CD5: variants seen among roughly 807,000 people sequenced by gnomAD.
CD5 encodes the protein T-cell surface glycoprotein CD5.
In CD5, 36 loss-of-function variants were observed where a neutral mutation model predicts 60.3. The observed-to-expected ratio is 0.60, with a 90% CI of 0.46 to 0.79. The LOEUF (loss-of-function observed/expected upper bound fraction) is 0.79, where lower values mean the gene tolerates loss of function less well. Ranked by LOEUF, CD5 falls within the 30% of genes least tolerant of loss-of-function variation. The probability of loss-of-function intolerance (pLI) is 0.00; values close to 1 mark genes in which losing one functional copy is unlikely to be tolerated. For synonymous variants in CD5, 230 were observed against 257.6 expected (o/e 0.89, Z 1.03); for missense variants, 540 against 630.6 (o/e 0.86, Z 1.54).
intron 1 of CD5, among the ~76,000 whole-genome samples, chr11:61,109,308 T>G (rs1015305976): frequency 2.0e-5 from 3 of 152,234 alleles, no homozygotes; most frequent in African/African-American, 7.2e-5. Flanking sequence ...TATGTTTCGC[T>G]GCAGACACTG....
intron 1 of CD5, among the ~76,000 whole-genome samples, chr11:61,111,988 C>T (rs534211453): frequency 5.3e-4 from 80 of 152,330 alleles, no homozygotes; most frequent in African/African-American, 1.7e-3. Context: ...ACAGGACAGA[C>T]GTGCTCCCCA....
chr11:61,100,193 T>TCA (rs1250573973), upstream of CD5, among the ~76,000 whole-genome samples: 1 of 103,658 alleles, frequency 9.6e-6, no homozygotes, highest in Non-Finnish European at 1.9e-5. Flanking sequence ...AACATGGAGA[T>TCA]CACACACACA....
chr11:61,107,027 G>C (rs1040470786), intron 1 of CD5, among the ~76,000 whole-genome samples: 4 of 152,122 alleles, frequency 2.6e-5, no homozygotes, highest in Admixed American at 1.3e-4. Context: ...GGGTGTGATG[G>C]GGAGACAAAC....
rs574843 is a variant in CD5, at chr11:61,125,850, G to C, written c.*2+9G>C. ...GCTCAGAGGCTGTAAAGGTGAGCCC[G>C]TCTCCAGCCTGACCCCAGCACCCCA... On this transcript the variant is annotated intron_variant, in intron 10 of 10. Coordinates refer to ENST00000347785, the MANE Select transcript of CD5 (RefSeq NM_014207.4). 0.08 allele frequency: 126,986 copies of C among 1,588,170 alleles called. 5,670 individuals are homozygous for C. Among genetic ancestry groups the C allele is most frequent in the Non-Finnish European group, 0.091 (105,370 of 1,163,102 alleles).
chr11:61,106,347 G>A (rs1315319045), intron 1 of CD5, among the ~76,000 whole-genome samples: 1 of 152,130 alleles, frequency 6.6e-6, no homozygotes, highest in Non-Finnish European at 1.5e-5. Context: ...AGAGAAAAAA[G>A]GGAAGAGGGT....
At chr11:61,119,681 G>T in intron 5 of CD5, 106 bp downstream of exon 5, 1 of 787,922 alleles carries the variant, frequency 1.3e-6, no homozygotes, top group East Asian at 2.7e-5. Context: ...GGGCACTATG[G>T]AGAATACAAG....
In CD5 at chr11:61,127,680, TGA is replaced by T. The variant is rs1334369872; in HGVS notation, c.*1399_*1400del. On this transcript the variant is annotated 3_prime_UTR_variant, in exon 11 of 11. Coordinates refer to ENST00000347785, the MANE Select transcript of CD5 (RefSeq NM_014207.4). ...GTGAGGGGGCTCCTCAAAAGGGAAC[TGA>T]GAGGCTGCTCTTAGGGAGGGCAAAG... The T allele has an allele frequency of 1.3e-5, 2 of 152,174 alleles. No homozygotes were observed. Among genetic ancestry groups the T allele is most frequent in the African/African-American group, 4.8e-5 (2 of 41,434 alleles). 9.4% of individuals were successfully genotyped at this position (152,174 alleles called of 1,614,324 possible).
At chr11:61,097,812 C>T (rs1860604603), upstream of CD5, among the ~76,000 whole-genome samples, 1 of 152,064 alleles carries the variant, frequency 6.6e-6, no homozygotes, top group African/African-American at 2.4e-5. Flanking sequence ...GTGGGGATAC[C>T]AGACCCCCAT....
At chr11:61,100,216 TCACACACACACAACA>T, upstream of CD5, among the ~76,000 whole-genome samples, 1 of 116,488 alleles carries the variant, frequency 8.6e-6, no homozygotes, top group East Asian at 2.6e-4. Flanking sequence ...AACATGGAGA[TCACACACACACAACA>T]TGGAGATCAC....
rs1271324236 is a variant in CD5 at position 61,125,019 on chromosome 11, ACCATCTGCCCAGTGTCTTT to A, written c.1280-7_1291del. ...AGCCACAAGTCTGACACTGTCTCCTACCATCTGCCCAGTGTCTTTCCATCGCAACCACACGGCAACCGTC... is the reference window on the plus strand; with the variant it reads ...AGCCACAAGTCTGACACTGTCTCCTACCATCGCAACCACACGGCAACCGTC... On this transcript the variant is annotated splice_acceptor_variant and splice_polypyrimidine_tract_variant and coding_sequence_variant and intron_variant, in exon 9 of 11. Transcript: ENST00000347785. LOFTEE classifies it high-confidence loss of function. 7 of 1,613,846 alleles carry A rather than the reference ACCATCTGCCCAGTGTCTTT, an allele frequency of 4.3e-6. No homozygotes were observed. Among genetic ancestry groups the A allele is most frequent in the Non-Finnish European group, 5.9e-6 (7 of 1,179,918 alleles).
At chr11:61,097,135 C>T in the CD5 span, among the ~76,000 whole-genome samples, 3 of 152,226 alleles carry the variant, frequency 2.0e-5, no homozygotes, top group South Asian at 6.2e-4. Context: ...CCAGGAAAAA[C>T]AAGAAATTTG....
At chr11:61,096,345 G>A in the CD5 span, among the ~76,000 whole-genome samples, 1 of 152,236 alleles carries the variant, frequency 6.6e-6, no homozygotes, top group Non-Finnish European at 1.5e-5. Context: ...AAGGGGACCG[G>A]GCGCAAGCAC....
At position 61,125,062 on chromosome 11, in the gene CD5, T is replaced by C. The variant is rs752035448; in HGVS notation, c.1310T>C (p.Val437Ala). The change falls in exon 9 of 11, where the codon GTC becomes GCC. Residue 437 changes from valine to alanine, a missense_variant. Physicochemically the swap from Val to Ala is moderately conservative, Grantham distance 64. Coordinates refer to ENST00000347785, the MANE Select transcript of CD5 (RefSeq NM_014207.4). ...MSFHRNHTAT[V>A]RSHAENPTAS... ...TTCCATCGCAACCACACGGCAACCG[T>C]CCGATCCCATGCTGAGAACCCCACA... 4 of 1,614,016 alleles carry C rather than the reference T, an allele frequency of 2.5e-6. No individual in the cohort carries two copies. The highest frequency in any genetic ancestry group is 1.1e-5 in the South Asian group (1 of 91,074).
At chr11:61,098,545 A>T (rs555647437), upstream of CD5, among the ~76,000 whole-genome samples, 9 of 152,208 alleles carry the variant, frequency 5.9e-5, no homozygotes, top group South Asian at 2.1e-4. Context: ...CTGTTATGTT[A>T]TCTATAGATT....
intron 1 of CD5, among the ~76,000 whole-genome samples, chr11:61,107,797 C>A (rs1860797642): frequency 1.3e-5 from 2 of 152,186 alleles, no homozygotes; most frequent in Admixed American, 1.3e-4. Context: ...CTCCGGGGGA[C>A]AGATACGGTA....
intron 1 of CD5, among the ~76,000 whole-genome samples, chr11:61,103,853 T>C (rs1478616512): frequency 9.2e-6 from 1 of 108,908 alleles, no homozygotes; most frequent in Non-Finnish European, 1.8e-5. Flanking sequence ...GGGGGGAATG[T>C]GTGAGTCTGT....
At chr11:61,101,707 A>G (rs923525494), upstream of CD5, among the ~76,000 whole-genome samples, 1 of 151,912 alleles carries the variant, frequency 6.6e-6, no homozygotes, top group African/African-American at 2.4e-5. Context: ...ATCAACATGG[A>G]GATCACACAC....
the CD5 span, among the ~76,000 whole-genome samples, chr11:61,096,328 T>C: frequency 1.6e-3 from 238 of 152,228 alleles, no homozygotes; most frequent in Non-Finnish European, 2.6e-3. Flanking sequence ...GAAGGGCTAC[T>C]GGACTGAAGG....
intron 1 of CD5, among the ~76,000 whole-genome samples, chr11:61,105,214 C>G (rs1860760297): frequency 1.3e-5 from 2 of 152,372 alleles, no homozygotes; most frequent in South Asian, 4.1e-4. Context: ...TCAGCCCCAG[C>G]CTGCCTGGAC....
Sources: gnomAD v4.1 joint callset for allele counts (sites outside exome capture counted in the v4.1 genomes callset) on GRCh38, gnomAD v4.1.1 for gene constraint, MANE v1.5 for transcripts, NCBI Gene and HGNC (gene_info 2026-07-23, HGNC 2026-07-21) for gene names.